Variants in FYB1 observed in about 807,000 individuals in gnomAD.
FYB1 encodes the protein FYN-binding protein 1.
A neutral mutation model predicts 94.1 loss-of-function variants in FYB1; 41 were observed. That is an observed-to-expected ratio of 0.44 (90% confidence interval 0.34 to 0.57). The LOEUF (loss-of-function observed/expected upper bound fraction) is 0.57, where lower values mean the gene tolerates loss of function less well. FYB1 is among the 20% of genes least tolerant of loss of function. FYB1 has a pLI of 0.02. For synonymous variants in FYB1, 367 were observed against 353.2 expected (o/e 1.04, Z -0.44); for missense variants, 1,050 against 976.8 (o/e 1.07, Z -1.00).
At chr5:39,257,297 A>G (rs921909604) in intron 1 of FYB1, among the ~76,000 whole-genome samples, 1 of 152,186 alleles carries the variant, frequency 6.6e-6, no homozygotes, top group Non-Finnish European at 1.5e-5. Flanking sequence ...GTTTTTGGGA[A>G]AAAGTAGGAC....
intron 1 of FYB1, chr5:39,210,983 A>G (rs1201200163): frequency 6.6e-6 from 1 of 152,246 alleles, no homozygotes; most frequent in Non-Finnish European, 1.5e-5. Flanking sequence ...TAGATAGTAC[A>G]GAACAACAAA....
At position 39,141,079 on chromosome 5, in the gene FYB1, T is replaced by A. The variant is rs561367808; in HGVS notation, c.1339+16A>T. ...AGTTTACAAATAAATAAATAAAATA[T>A]GTTTTTGTCGTTTACCATCAGAGTG... On this transcript the variant is annotated intron_variant, in intron 4 of 18. Coordinates refer to ENST00000512982, the MANE Select transcript of FYB1 (RefSeq NM_001465.6). The A allele has an allele frequency of 3.9e-6, 6 of 1,542,098 alleles. No individual in the cohort carries two copies. The South Asian group carries it at 4.8e-5, about 12-fold the overall frequency.
chr5:39,181,130 G>C (rs1389559859), intron 2 of FYB1, among the ~76,000 whole-genome samples: 2 of 152,134 alleles, frequency 1.3e-5, no homozygotes, highest in African/African-American at 4.8e-5. Flanking sequence ...AGAAATAACT[G>C]ACACCATATA....
intron 17 of FYB1, among the ~76,000 whole-genome samples, chr5:39,108,675 G>T (rs1738770451): frequency 6.6e-6 from 1 of 151,730 alleles, no homozygotes; most frequent in Non-Finnish European, 1.5e-5. Flanking sequence ...AATAATAATT[G>T]GCATAGGAAA....
rs1387200744 is a variant in FYB1, at chr5:39,206,025, C to A, written c.-27-3038G>T. 2.6e-5 allele frequency among the ~76,000 whole-genome samples: 4 copies of A among 152,270 alleles called. No homozygotes were observed. The East Asian group carries it at 7.7e-4, about 29-fold the overall frequency. On this transcript the variant is annotated intron_variant, in intron 1 of 18. Transcript: ENST00000512982. Reference sequence around the variant, plus strand: ...CACAAAACATTATTTCTCTATGTGACCAAATTCCGAAGTTACAATCATTAA... The same window carrying A: ...CACAAAACATTATTTCTCTATGTGAACAAATTCCGAAGTTACAATCATTAA...
intron 1 of FYB1, among the ~76,000 whole-genome samples, chr5:39,211,816 C>A (rs1749420625): frequency 6.6e-6 from 1 of 152,184 alleles, no homozygotes; most frequent in Non-Finnish European, 1.5e-5. Context: ...CAGACACACG[C>A]TCCTGGGTGG....
chr5:39,198,209 G>A (rs1463600480), intron 2 of FYB1, among the ~76,000 whole-genome samples: 2 of 152,134 alleles, frequency 1.3e-5, no homozygotes, highest in Non-Finnish European at 2.9e-5. Flanking sequence ...AATGAAGAAA[G>A]ACATACACGG....
rs1741903920 is a variant in FYB1 at position 39,138,935 on chromosome 5, T to A, written c.1360-244A>T. ...GTTTGGCTTATTTAAAATATTTTTT[T>A]TCTCCTTAGAAATAGACTGGGAAAG... On this transcript the variant is annotated intron_variant, in intron 5 of 18. Transcript: ENST00000512982. 1.1e-5 allele frequency: 6 copies of A among 560,036 alleles called. No homozygotes were observed. In the South Asian group the frequency reaches 1.2e-4, roughly 11 times the overall value. 34.7% of individuals were successfully genotyped at this position (560,036 alleles called of 1,614,324 possible). A position where few individuals can be genotyped will look rare whatever the true frequency, so the allele number is the denominator to read the frequency against.
In FYB1 at chr5:39,237,454, A is replaced by G. The variant is rs183546659; in HGVS notation, c.-27-34467T>C. On this transcript the variant is annotated intron_variant, in intron 1 of 1. Transcript: ENST00000510188. ...CACTAAGGCCTTGGGGGCTGTGGGG[A>G]ACATTCTAACCTTCATCAAGCAACT... Among the ~76,000 whole-genome samples the G allele has an allele frequency of 4.4e-3, 676 of 152,110 alleles. 5 individuals carry two copies. Among genetic ancestry groups the G allele is most frequent in the Non-Finnish European group, 5.5e-3 (373 of 67,956 alleles).
At chr5:39,126,908 A>G (rs1287147599) in intron 11 of FYB1, among the ~76,000 whole-genome samples, 2 of 151,344 alleles carry the variant, frequency 1.3e-5, no homozygotes, top group Non-Finnish European at 2.9e-5. Flanking sequence ...AAAATATGAA[A>G]TAACCCAGGC....
At chr5:39,235,050 GAAT>G (rs36227810) in intron 1 of FYB1, among the ~76,000 whole-genome samples, 24,964 of 148,352 alleles carry the variant, frequency 0.17, 2,102 homozygotes, top group African/African-American at 0.19. Flanking sequence ...AGAACTTAAA[GAAT>G]AATAATAATA....
At chr5:39,142,133 T>C (rs559317757) in intron 3 of FYB1, among the ~76,000 whole-genome samples, 1 of 152,364 alleles carries the variant, frequency 6.6e-6, no homozygotes, top group South Asian at 2.1e-4. Context: ...TTACTGACTC[T>C]GGACATTACA....
At chr5:39,148,616 G>A (rs1167331960) in intron 3 of FYB1, among the ~76,000 whole-genome samples, 1 of 151,372 alleles carries the variant, frequency 6.6e-6, no homozygotes, top group East Asian at 1.9e-4. Flanking sequence ...CTACTGATAC[G>A]GCAAGTCTCA....
chr5:39,140,073 T>A (rs1052017114), intron 4 of FYB1: 1 of 152,156 alleles, frequency 6.6e-6, no homozygotes, highest in Non-Finnish European at 1.5e-5. Context: ...AATGAGAACA[T>A]TTTTATTTTC....
At chr5:39,187,014 C>T (rs896397077) in intron 2 of FYB1, among the ~76,000 whole-genome samples, 1 of 152,108 alleles carries the variant, frequency 6.6e-6, no homozygotes, top group Non-Finnish European at 1.5e-5. Flanking sequence ...CTGCTCTTAA[C>T]TCATGATAAA....
rs1741549542 is a variant in FYB1 at position 39,135,000 on chromosome 5, A to G, written c.1530T>C (p.Ile510=). 6.2e-7 allele frequency: 1 copy of G among 1,613,786 alleles called. No individual in the cohort carries two copies. Among genetic ancestry groups the G allele is most frequent in the African/African-American group, 1.3e-5 (1 of 74,926 alleles). The change falls in exon 8 of 19, where the codon ATT becomes ATC. Residue 510 remains isoleucine (I), a synonymous_variant. Transcript: ENST00000512982. ...IKKKFKLTGP[I]QVIHLAKACC... The stretch of plus-strand genomic sequence containing the variant: ...AAGCTTTTGCAAGATGGATGACTTG[A>G]ATAGGGCCTGTTAGCTGCAAAGAGA...
At chr5:39,179,168 C>T (rs1042309422) in intron 2 of FYB1, among the ~76,000 whole-genome samples, 4 of 152,146 alleles carry the variant, frequency 2.6e-5, no homozygotes, top group South Asian at 2.1e-4. Context: ...CGGTAGGCAG[C>T]GCTATTGTTC....
chr5:39,213,276 T>C (rs1249852433), intron 1 of FYB1, among the ~76,000 whole-genome samples: 1 of 152,220 alleles, frequency 6.6e-6, no homozygotes, highest in East Asian at 1.9e-4. Context: ...GTTCTGATTC[T>C]AAATTCTGTG....
Position 39,111,100 on chromosome 5 carries a change from G to A in FYB1, c.2402-711C>T, listed in dbSNP as rs117279728. Among the ~76,000 whole-genome samples the A allele has an allele frequency of 6.8e-3, 1,039 of 152,036 alleles. 56 individuals carry two copies. The East Asian group carries it at 0.12, about 18-fold the overall frequency. On this transcript the variant is annotated intron_variant, in intron 16 of 18. Coordinates refer to ENST00000512982, the MANE Select transcript of FYB1 (RefSeq NM_001465.6). ...TGCAAGAAAGCTAAGTTTTGTTGTT[G>A]TTGTTGTGTGAGGGGCACCTTATAT...
Sources: allele counts gnomAD v4.1 joint callset (sites outside exome capture counted in the v4.1 genomes callset), GRCh38; gene constraint gnomAD v4.1.1; transcripts MANE v1.5; gene names NCBI Gene and HGNC (gene_info 2026-07-23, HGNC 2026-07-21).